H2BC18: variants seen among roughly 807,000 people sequenced by gnomAD.
H2BC18 encodes the protein H2B clustered histone 18.
In H2BC18, 8 loss-of-function variants were observed where a neutral mutation model predicts 6.3. The ratio of observed to expected loss-of-function variants is 1.28; its 90% CI spans 0.75 to 2.31. H2BC18 has a LOEUF of 2.31. Among genes scored for constraint, H2BC18 ranks in the 30% most tolerant of loss-of-function variants. The pLI, the probability that H2BC18 is intolerant of heterozygous loss-of-function variation, is 0.00. For missense variants in H2BC18, 106 were observed against 174.5 expected, an observed-to-expected ratio of 0.61 and a Z score of 2.21; for synonymous variants, 104 against 78.1, an observed-to-expected ratio of 1.33 and a Z score of -1.75.
intron 1 of H2BC18, chr1:149,790,002 A>C (rs2091661926): frequency 6.2e-7 from 1 of 1,613,214 alleles, no homozygotes; most frequent in African/African-American, 1.3e-5. Context: ...TTTTGTGAAA[A>C]GGACCTGGAT....
At chr1:149,808,659 C>A (rs2091945645), downstream of H2BC18, among the ~76,000 whole-genome samples, 1 of 152,186 alleles carries the variant, frequency 6.6e-6, no homozygotes, top group African/African-American at 2.4e-5. Context: ...ACACGGTCTA[C>A]TTTTACTTTT....
Position 149,801,492 on chromosome 1 carries a change from A to G in H2BC18, c.377+10455T>C, listed in dbSNP as rs199944088. Among the ~76,000 whole-genome samples, 3 of 96,186 alleles carry G rather than the reference A, an allele frequency of 3.1e-5. No homozygotes were observed. In the East Asian group the frequency reaches 1.2e-3, roughly 39 times the overall value. 63.1% of individuals were successfully genotyped at this position (96,186 alleles called of 152,430 possible). On this transcript the variant is annotated intron_variant, in intron 1 of 1. Transcript: ENST00000545683. ...GTTTATTAGTAGGAAACATTAAGCA[A>G]TTATCCTTCATAAAAACATTATGAA...
chr1:149,800,022 C>A (rs12037301), intron 1 of H2BC18, among the ~76,000 whole-genome samples: 2 of 151,984 alleles, frequency 1.3e-5, no homozygotes, highest in Non-Finnish European at 2.9e-5. Flanking sequence ...ACTTCAAATG[C>A]CAGTTCCAAG....
chr1:149,788,878 T>A (rs2091622825), intron 1 of H2BC18, among the ~76,000 whole-genome samples: 1 of 152,042 alleles, frequency 6.6e-6, no homozygotes, highest in Non-Finnish European at 1.5e-5. Flanking sequence ...ATAATGGTGA[T>A]CCATTTCATC....
chr1:149,792,660 G>A lies in H2BC18; in HGVS notation c.378-9400C>T, dbSNP rs1553752151. 7 of 1,277,176 alleles carry A rather than the reference G, an allele frequency of 5.5e-6. No individual in the cohort carries two copies. In the South Asian group the frequency reaches 8.7e-5, roughly 16 times the overall value. The allele number at this position is 1,277,176 out of a possible 1,614,324, so 79.1% of individuals were successfully genotyped here. A position where few individuals can be genotyped will look rare whatever the true frequency, so the allele number is the denominator to read the frequency against. On this transcript the variant is annotated intron_variant, in intron 1 of 1. Transcript: ENST00000545683. ...ATTGCAGCCTCCGCCTGTATCTGGG[G>A]GCCGCAGCCGCCAGCGCCCGGGGAC...
At chr1:149,803,313 A>G (rs1371579436) in intron 1 of H2BC18, among the ~76,000 whole-genome samples, 4 of 152,098 alleles carry the variant, frequency 2.6e-5, no homozygotes, top group African/African-American at 9.7e-5. Context: ...CTTTAGGTAT[A>G]TTCTATTCCT....
At chr1:149,793,723 G>A (rs1447543489) in intron 1 of H2BC18, among the ~76,000 whole-genome samples, 2 of 150,660 alleles carry the variant, frequency 1.3e-5, no homozygotes, top group Non-Finnish European at 3.0e-5. Context: ...GGTCGTTAGG[G>A]GTCGTTCTTC....
At chr1:149,788,324 C>T (rs1553751058) in intron 1 of H2BC18, 3 of 1,611,894 alleles carry the variant, frequency 1.9e-6, no homozygotes, top group East Asian at 4.5e-5. Context: ...CTCCTTGTAC[C>T]TCCTCCACTG....
Position 149,788,419 on chromosome 1 carries a change from G to A in H2BC18, c.378-5159C>T, listed in dbSNP as rs587711901. The A allele has an allele frequency of 3.7e-6, 6 of 1,613,664 alleles. 1 individual carries two copies. In the South Asian group the frequency reaches 6.6e-5, roughly 18 times the overall value. On this transcript the variant is annotated intron_variant, in intron 1 of 1. Coordinates refer to the H2BC18 transcript ENST00000545683. ...AGTCTTCACGGAAGGAGAACCTCTG[G>A]CCTTGAGGTGTCATGCGTGGAAGGA...
intron 1 of H2BC18, chr1:149,791,484 G>A (rs1553751907): frequency 6.2e-7 from 1 of 1,609,316 alleles, no homozygotes; most frequent in Non-Finnish European, 8.5e-7. Context: ...TGCAGGAAGG[G>A]GTGCACCGGA....
intron 1 of H2BC18, chr1:149,803,786 A>T (rs2091893938): frequency 1.3e-5 from 2 of 152,264 alleles, no homozygotes; most frequent in Admixed American, 6.5e-5. Context: ...AAGATGTATC[A>T]TCCATTGTAT....
rs2091604961 is a variant in H2BC18, at chr1:149,788,314, C to T, written c.378-5054G>A. 30 of 1,611,172 alleles carry T rather than the reference C, an allele frequency of 1.9e-5. No homozygotes were observed. In the South Asian group the frequency reaches 2.5e-4, roughly 14 times the overall value. On this transcript the variant is annotated intron_variant, in intron 1 of 1. Coordinates refer to the H2BC18 transcript ENST00000545683. ...GAAGCCCACAGGGCCAAGCTTGGGCCTCCTTGTACCTCCTCCACTGTATAC... is the reference window on the plus strand; with the variant it reads ...GAAGCCCACAGGGCCAAGCTTGGGCTTCCTTGTACCTCCTCCACTGTATAC...
intron 1 of H2BC18, chr1:149,792,747 C>T: frequency 7.8e-7 from 1 of 1,283,950 alleles, no homozygotes. Flanking sequence ...CCGCCAAAAC[C>T]CAGTGAGAAA....
At chr1:149,785,800 T>G (rs1255849941) in intron 1 of H2BC18, 1 of 152,098 alleles carries the variant, frequency 6.6e-6, no homozygotes, top group Non-Finnish European at 1.5e-5. Flanking sequence ...CCTCAGAAAC[T>G]CCTTCTTGCC....
intron 1 of H2BC18, among the ~76,000 whole-genome samples, chr1:149,805,044 A>G (rs2091905299): frequency 6.6e-6 from 1 of 152,380 alleles, no homozygotes; most frequent in Admixed American, 6.5e-5. Flanking sequence ...ATATGTGATC[A>G]TGTGAGAGCC....
At chr1:149,792,554 C>T in intron 1 of H2BC18, 2 of 1,178,506 alleles carry the variant, frequency 1.7e-6, no homozygotes, top group South Asian at 1.6e-5. Context: ...TGGTTTGATC[C>T]GTAAATGATG....
intron 1 of H2BC18, chr1:149,792,165 G>C (rs2091727203): frequency 6.3e-6 from 1 of 158,462 alleles, no homozygotes; most frequent in African/African-American, 2.4e-5. Flanking sequence ...TATTTCTAGA[G>C]ACAACAAAAA....
At chr1:149,790,218 T>C in intron 1 of H2BC18, 1 of 1,613,236 alleles carries the variant, frequency 6.2e-7, no homozygotes, top group Non-Finnish European at 8.5e-7. Flanking sequence ...CAGGAACACA[T>C]CCTCTGAATA....
At chr1:149,799,278 C>T (rs2091834713) in intron 1 of H2BC18, among the ~76,000 whole-genome samples, 1 of 151,054 alleles carries the variant, frequency 6.6e-6, no homozygotes, top group South Asian at 2.1e-4. Context: ...TTCTTATATC[C>T]AGTGGAGCCC....
Sources: allele counts gnomAD v4.1 joint callset (sites outside exome capture counted in the v4.1 genomes callset), GRCh38; gene constraint gnomAD v4.1.1; transcripts MANE v1.5; gene names NCBI Gene and HGNC (gene_info 2026-07-23, HGNC 2026-07-21).